Variants in DOP1B observed in about 807,000 individuals in gnomAD.
The protein encoded by DOP1B is protein DOP1B.
In DOP1B, 174 loss-of-function variants were observed where a neutral mutation model predicts 233.5. The observed-to-expected ratio is 0.75, with a 90% confidence interval of 0.66 to 0.85. The LOEUF (loss-of-function observed/expected upper bound fraction) is 0.85, where lower values mean the gene tolerates loss of function less well. DOP1B is among the 40% of genes least tolerant of loss of function. The probability of loss-of-function intolerance (pLI) is 0.00; values close to 1 mark genes in which losing one functional copy is unlikely to be tolerated. For synonymous variants in DOP1B, 1,190 were observed against 1,185.6 expected (o/e 1.00, Z -0.08); for missense variants, 2,652 against 2,846.6 (o/e 0.93, Z 1.56).
chr21:36,194,406 C>G (rs1387270548), intron 2 of DOP1B, among the ~76,000 whole-genome samples: 1 of 151,880 alleles, frequency 6.6e-6, no homozygotes, highest in African/African-American at 2.4e-5. Context: ...TTTTTCTTAC[C>G]ACAAAGGAAG....
At chr21:36,231,228 C>CAA (rs2066761636) in intron 14 of DOP1B, 94 bp downstream of exon 14, 1 of 1,429,590 alleles carries the variant, frequency 7.0e-7, no homozygotes, top group East Asian at 2.4e-5. Context: ...TGCTAGGGAC[C>CAA]AAATGTATTT....
intron 2 of DOP1B, among the ~76,000 whole-genome samples, chr21:36,188,500 T>C (rs377159253): frequency 1.9e-4 from 29 of 151,530 alleles, no homozygotes; most frequent in African/African-American, 7.0e-4. Flanking sequence ...ATTTTCGTCC[T>C]GTCTAAAGGG....
chr21:36,164,626 G>A lies in DOP1B; in HGVS notation c.-26-82G>A, dbSNP rs867702454. 57 of 1,126,492 alleles carry A rather than the reference G, an allele frequency of 5.1e-5. No individual in the cohort carries two copies. In the East Asian group the frequency reaches 1.1e-3, roughly 23 times the overall value. 69.8% of individuals were successfully genotyped at this position (1,126,492 alleles called of 1,614,324 possible). A position where few individuals can be genotyped will look rare whatever the true frequency, so the allele number is the denominator to read the frequency against. ...TGTGCACAGTTGTGTTTGTGGACAC[G>A]TGTCTTCTGTAGCTCTGGGTTGGGA... On this transcript the variant is annotated intron_variant, in intron 1 of 36. Coordinates refer to ENST00000691173, the MANE Select transcript of DOP1B (RefSeq NM_001320714.2).
In DOP1B at chr21:36,268,679, C is replaced by T. The variant is rs191543592; in HGVS notation, c.5488-1334C>T. ...TGCGGCTCCAGTCGGTCCCTTTGTTCGGGGTCGCTGACTTCCCGCAACACT... is the reference window on the plus strand; with the variant it reads ...TGCGGCTCCAGTCGGTCCCTTTGTTTGGGGTCGCTGACTTCCCGCAACACT... On this transcript the variant is annotated intron_variant, in intron 26 of 36. Coordinates refer to ENST00000691173, the MANE Select transcript of DOP1B (RefSeq NM_001320714.2). Among the ~76,000 whole-genome samples the T allele has an allele frequency of 1.1e-4, 17 of 152,274 alleles. 1 individual carries two copies. Among genetic ancestry groups the T allele is most frequent in the Middle Eastern group, 6.8e-3 (2 of 294 alleles).
chr21:36,238,328 T>C (rs568914573), intron 16 of DOP1B, among the ~76,000 whole-genome samples: 1 of 152,322 alleles, frequency 6.6e-6, no homozygotes, highest in East Asian at 1.9e-4. Flanking sequence ...CCTTTGTGTT[T>C]TCCTTTGGCT....
At chr21:36,249,535 C>T (rs1046152246) in intron 21 of DOP1B, among the ~76,000 whole-genome samples, 5 of 152,200 alleles carry the variant, frequency 3.3e-5, no homozygotes, top group Non-Finnish European at 7.3e-5. Flanking sequence ...CGAGACAGCT[C>T]ATCTCTGTTC....
At chr21:36,239,978 G>A (rs757511869) in intron 18 of DOP1B, 23 bp downstream of exon 18, 21 of 1,587,646 alleles carry the variant, frequency 1.3e-5, no homozygotes, top group Non-Finnish European at 1.5e-5. Flanking sequence ...CACAGGACCC[G>A]AGGGTGAGGG....
chr21:36,172,543 A>G (rs1210847693), intron 2 of DOP1B, among the ~76,000 whole-genome samples: 2 of 151,750 alleles, frequency 1.3e-5, no homozygotes, highest in Non-Finnish European at 2.9e-5. Flanking sequence ...CAGAAGGATC[A>G]CTTGAGCCCA....
chr21:36,227,502 G>C (rs183761756), intron 12 of DOP1B, among the ~76,000 whole-genome samples, 184 bp from the exon 13 acceptor site: 17 of 150,054 alleles, frequency 1.1e-4, no homozygotes, highest in Non-Finnish European at 1.6e-4. Context: ...AGCCGAGATC[G>C]CGACACTGCA....
At chr21:36,240,362 C>A (rs2066879386) in intron 18 of DOP1B, among the ~76,000 whole-genome samples, 1 of 152,084 alleles carries the variant, frequency 6.6e-6, no homozygotes, top group African/African-American at 2.4e-5. Context: ...TGCCTGTAAT[C>A]CCAGCTACTC....
At position 36,228,422 on chromosome 21, in the gene DOP1B, T is replaced by C. The variant is rs189801610; in HGVS notation, c.1665+545T>C. On this transcript the variant is annotated intron_variant, in intron 13 of 36. Coordinates refer to ENST00000691173, the MANE Select transcript of DOP1B (RefSeq NM_001320714.2). ...AGGTTGCAGTGAGCCATCACGCCACTGCACTTAAGCCTGGGCAACAGAGCA... is the reference window on the plus strand; with the variant it reads ...AGGTTGCAGTGAGCCATCACGCCACCGCACTTAAGCCTGGGCAACAGAGCA... 5.0e-3 allele frequency among the ~76,000 whole-genome samples: 761 copies of C among 151,062 alleles called. 4 individuals carry two copies. Among genetic ancestry groups the C allele is most frequent in the Middle Eastern group, 0.014 (4 of 288 alleles).
At chr21:36,263,461 C>T in intron 24 of DOP1B, 85 bp from the exon 25 acceptor site, 1 of 1,232,146 alleles carries the variant, frequency 8.1e-7, no homozygotes, top group Non-Finnish European at 1.2e-6. Flanking sequence ...TGCTTTCCAA[C>T]TGCCAGGATC....
chr21:36,158,953 C>T (rs567787479), intron 1 of DOP1B, among the ~76,000 whole-genome samples: 3 of 150,806 alleles, frequency 2.0e-5, no homozygotes, highest in Admixed American at 6.6e-5. Flanking sequence ...CATGGTGAAA[C>T]TCTGTCTCTA....
intron 15 of DOP1B, among the ~76,000 whole-genome samples, chr21:36,234,889 A>G (rs2066808944): frequency 6.6e-6 from 1 of 152,140 alleles, no homozygotes; most frequent in Non-Finnish European, 1.5e-5. Flanking sequence ...TATGGGTACA[A>G]TTTGATATTC....
chr21:36,232,783 C>G, intron 14 of DOP1B, 21 bp from the exon 15 acceptor site: 1 of 1,611,594 alleles, frequency 6.2e-7, no homozygotes, highest in Non-Finnish European at 8.5e-7. Flanking sequence ...GTTTCTGCCT[C>G]TCCGGCTGGC....
chr21:36,179,118 G>C (rs2066065759), intron 2 of DOP1B, among the ~76,000 whole-genome samples: 1 of 152,222 alleles, frequency 6.6e-6, no homozygotes, highest in African/African-American at 2.4e-5. Flanking sequence ...GCTACTTCGA[G>C]AGTCATTCAG....
At chr21:36,181,246 C>T (rs80153025) in intron 2 of DOP1B, among the ~76,000 whole-genome samples, 1,708 of 151,706 alleles carry the variant, frequency 0.011, 12 homozygotes, top group Non-Finnish European at 0.019. Context: ...CTCTTCTACA[C>T]GGTCATTCCA....
At chr21:36,227,978 A>G (rs931817182) in intron 13 of DOP1B, 101 bp downstream of exon 13, 2 of 1,179,958 alleles carry the variant, frequency 1.7e-6, no homozygotes, top group African/African-American at 3.1e-5. Context: ...AGGAATAAAG[A>G]TGAGAAGATA....
intron 23 of DOP1B, among the ~76,000 whole-genome samples, chr21:36,257,000 A>G (rs1269572783): frequency 6.6e-6 from 1 of 152,194 alleles, no homozygotes; most frequent in Non-Finnish European, 1.5e-5. Flanking sequence ...GACACCAGTC[A>G]CAAGTCTGGG....
Sources: allele counts gnomAD v4.1 joint callset (sites outside exome capture counted in the v4.1 genomes callset), GRCh38; gene constraint gnomAD v4.1.1; transcripts MANE v1.5; gene names NCBI Gene and HGNC (gene_info 2026-07-23, HGNC 2026-07-21).